Variants in STX8 observed in about 807,000 individuals in gnomAD.
STX8 encodes syntaxin-8.
In STX8, 23 loss-of-function variants were observed where a neutral mutation model predicts 37.5. The ratio of observed to expected loss-of-function variants is 0.61; its 90% CI spans 0.44 to 0.87. The LOEUF is 0.87. STX8 is among the 40% of genes least tolerant of loss of function. The probability of loss-of-function intolerance (pLI) is 0.00; values close to 1 mark genes in which losing one functional copy is unlikely to be tolerated. For missense variants in STX8, 313 were observed against 284.7 expected (o/e 1.10, Z -0.71); for synonymous variants, 115 against 99.1 (o/e 1.16, Z -0.95).
intron 7 of STX8, among the ~76,000 whole-genome samples, chr17:9,333,439 G>C (rs538679221): frequency 6.6e-6 from 1 of 152,188 alleles, no homozygotes; most frequent in Admixed American, 6.5e-5. Flanking sequence ...CCAGGCTGGA[G>C]TGCAGTGGCA....
At chr17:9,313,682 A>G (rs1331300438) in intron 7 of STX8, among the ~76,000 whole-genome samples, 1 of 152,198 alleles carries the variant, frequency 6.6e-6, no homozygotes, top group Non-Finnish European at 1.5e-5. Flanking sequence ...GCTGGAGTGC[A>G]GTGGTGTGAT....
At chr17:9,354,646 C>A (rs1256290087) in intron 7 of STX8, among the ~76,000 whole-genome samples, 1 of 152,066 alleles carries the variant, frequency 6.6e-6, no homozygotes, top group Non-Finnish European at 1.5e-5. Context: ...ATACTATAAT[C>A]GTGCTTCCAT....
At chr17:9,542,041 T>C (rs763062056) in intron 4 of STX8, among the ~76,000 whole-genome samples, 5 of 151,892 alleles carry the variant, frequency 3.3e-5, no homozygotes, top group Non-Finnish European at 7.4e-5. Context: ...TGGGTGATTC[T>C]GATGCAAAGT....
At chr17:9,395,575 CAAACA>C (rs752990276) in intron 6 of STX8, among the ~76,000 whole-genome samples, 1 of 152,184 alleles carries the variant, frequency 6.6e-6, no homozygotes, top group Admixed American at 6.5e-5. Flanking sequence ...AAGACTGTCT[CAAACA>C]AAACAAAACA....
intron 7 of STX8, among the ~76,000 whole-genome samples, chr17:9,260,681 T>A (rs931658841): frequency 6.6e-6 from 1 of 152,150 alleles, no homozygotes. Context: ...GGGTGGCTCT[T>A]TAGAGTGGCC....
At chr17:9,563,526 GAC>G (rs1907338223) in intron 2 of STX8, among the ~76,000 whole-genome samples, 2 of 151,826 alleles carry the variant, frequency 1.3e-5, no homozygotes. Flanking sequence ...ATAACACACA[GAC>G]ACACAGAGAC....
chr17:9,348,978 A>G (rs1433290861), intron 7 of STX8, among the ~76,000 whole-genome samples: 2 of 152,226 alleles, frequency 1.3e-5, no homozygotes, highest in African/African-American at 2.4e-5. Flanking sequence ...TTTTTCCTAT[A>G]CATACATACC....
intron 6 of STX8, among the ~76,000 whole-genome samples, chr17:9,398,530 G>A (rs1912489325): frequency 6.6e-6 from 1 of 151,924 alleles, no homozygotes; most frequent in Admixed American, 6.6e-5. Flanking sequence ...AAGGACATTG[G>A]GTCAAAATTA....
intron 6 of STX8, among the ~76,000 whole-genome samples, chr17:9,423,136 CA>C (rs1288536744): frequency 1.3e-5 from 2 of 152,196 alleles, no homozygotes; most frequent in Admixed American, 6.5e-5. Flanking sequence ...TCCCCAGAAT[CA>C]AAAGAAACGT....
At chr17:9,415,629 C>T (rs945271664) in intron 6 of STX8, among the ~76,000 whole-genome samples, 2 of 151,994 alleles carry the variant, frequency 1.3e-5, no homozygotes, top group African/African-American at 4.8e-5. Context: ...ATTAGCCGGG[C>T]GTGGTGGCAG....
intron 7 of STX8, among the ~76,000 whole-genome samples, chr17:9,278,950 G>A (rs1567765483): frequency 6.6e-6 from 1 of 152,118 alleles, no homozygotes; most frequent in South Asian, 2.1e-4. Flanking sequence ...AGAGTCTATT[G>A]CACATCAAGC....
At position 9,252,230 on chromosome 17, in the gene STX8, G is replaced by A. The variant is rs540516164; in HGVS notation, c.644-1585C>T. Among the ~76,000 whole-genome samples, 558 of 152,072 alleles carry A rather than the reference G, an allele frequency of 3.7e-3. 4 individuals are homozygous for A. Among genetic ancestry groups the A allele is most frequent in the African/African-American group, 0.013 (529 of 41,474 alleles). On this transcript the variant is annotated intron_variant, in intron 7 of 7. Transcript: ENST00000306357. ...GAGGCCGAGGCGGGCGGACCATGAG[G>A]TCAGGAGATCGAGACCATCCTGGCT...
intron 3 of STX8, among the ~76,000 whole-genome samples, chr17:9,551,910 T>C (rs1906776316): frequency 1.3e-5 from 2 of 151,396 alleles, no homozygotes; most frequent in South Asian, 2.1e-4. Context: ...GTGTAACTTA[T>C]ATAGAATTAC....
chr17:9,407,871 T>G (rs1341603297), intron 6 of STX8, among the ~76,000 whole-genome samples: 1 of 152,202 alleles, frequency 6.6e-6, no homozygotes, highest in Non-Finnish European at 1.5e-5. Context: ...ATGACAAATG[T>G]TTCCTATTCA....
intron 7 of STX8, among the ~76,000 whole-genome samples, chr17:9,363,131 G>A (rs1377756580): frequency 6.6e-6 from 1 of 152,168 alleles, no homozygotes; most frequent in Non-Finnish European, 1.5e-5. Context: ...GAAAGAGGAT[G>A]ACAGAGTTGG....
chr17:9,543,011 G>A (rs1906345509), intron 4 of STX8, among the ~76,000 whole-genome samples: 1 of 152,146 alleles, frequency 6.6e-6, no homozygotes, highest in Admixed American at 6.5e-5. Flanking sequence ...AAATTCCTAG[G>A]TTGGCCCCTT....
intron 4 of STX8, among the ~76,000 whole-genome samples, chr17:9,522,555 A>C (rs2142527197): frequency 6.6e-6 from 1 of 151,638 alleles, no homozygotes; most frequent in East Asian, 1.9e-4. Context: ...AAAAAAAAAA[A>C]AAAAAAAATT....
intron 4 of STX8, among the ~76,000 whole-genome samples, chr17:9,521,378 T>C (rs555151188): frequency 6.6e-6 from 1 of 152,356 alleles, no homozygotes; most frequent in Admixed American, 6.5e-5. Context: ...GCCAAACCTA[T>C]GTGACTTGAA....
chr17:9,253,207 G>GGGGTGTGTGTGTGTGT (rs750265739), intron 7 of STX8, among the ~76,000 whole-genome samples: 10 of 141,026 alleles, frequency 7.1e-5, no homozygotes, highest in South Asian at 2.4e-4. Context: ...CAGGGGTAGG[G>GGGGTGTGTGTGTGTGT]GTGTGTGTGT....
Sources: allele counts gnomAD v4.1 joint callset (sites outside exome capture counted in the v4.1 genomes callset), GRCh38; gene constraint gnomAD v4.1.1; transcripts MANE v1.5; gene names NCBI Gene and HGNC (gene_info 2026-07-23, HGNC 2026-07-21).